The following PKHD1 variants were observed in gnomAD, a reference collection of about 807,000 sequenced individuals.
PKHD1 encodes the protein PKHD1 ciliary IPT domain containing fibrocystin/polyductin, also known as fibrocystin.
In PKHD1, 291 loss-of-function variants were observed where a neutral mutation model predicts 412.0. That is an observed-to-expected ratio of 0.71 (90% CI 0.64 to 0.78). The LOEUF is 0.78. Ranked by LOEUF, PKHD1 falls within the 30% of genes least tolerant of loss-of-function variation. The pLI is 0.00. For synonymous variants in PKHD1, 1,777 were observed against 1,821.5 expected (o/e 0.98, Z 0.62); for missense variants, 4,825 against 4,950.7 (o/e 0.97, Z 0.76).
At chr6:51,672,994 A>T (rs1443262790) in intron 60 of PKHD1, among the ~76,000 whole-genome samples, 3 of 152,232 alleles carry the variant, frequency 2.0e-5, no homozygotes, top group Non-Finnish European at 4.4e-5. Flanking sequence ...GCAATGGCTA[A>T]CATTTACTGA....
intron 55 of PKHD1, among the ~76,000 whole-genome samples, chr6:51,765,203 G>T (rs1352707324): frequency 1.3e-5 from 2 of 152,020 alleles, no homozygotes; most frequent in African/African-American, 4.8e-5. Context: ...AGGAGGACCA[G>T]TTGTTCTCTC....
chr6:51,870,709 G>A (rs1775850269), intron 46 of PKHD1, 70 bp from the exon 47 acceptor site: 1 of 1,204,134 alleles, frequency 8.3e-7, no homozygotes, highest in Non-Finnish European at 1.2e-6. Context: ...AATTCATAAT[G>A]CATGAATAAA....
At chr6:51,775,708 T>G in intron 54 of PKHD1, 100 bp downstream of exon 54, 1 of 697,168 alleles carries the variant, frequency 1.4e-6, no homozygotes, top group South Asian at 1.6e-5. Context: ...GTGTTTGGAA[T>G]TTAGCATATG....
intron 8 of PKHD1, among the ~76,000 whole-genome samples, chr6:52,071,616 T>C (rs2128230989): frequency 6.6e-6 from 1 of 152,208 alleles, no homozygotes; most frequent in South Asian, 2.1e-4. Flanking sequence ...TCTAAATTTT[T>C]TATTATTTTT....
intron 23 of PKHD1, among the ~76,000 whole-genome samples, chr6:52,046,935 C>T (rs1224005652): frequency 3.3e-5 from 5 of 152,378 alleles, no homozygotes; most frequent in South Asian, 4.1e-4. Context: ...ACACAGGTTG[C>T]CTTCTACCTA....
chr6:51,950,926 AG>A (rs1673362388), intron 36 of PKHD1, among the ~76,000 whole-genome samples: 1 of 152,162 alleles, frequency 6.6e-6, no homozygotes, highest in Non-Finnish European at 1.5e-5. Context: ...TGTTGGTTTT[AG>A]TGAATTGTCC....
In PKHD1 at chr6:51,870,649, A is replaced by C; in HGVS notation, c.7351-10T>G. ...ACATACACAGACTTCCCTGTGATTT[A>C]AAAGAAAAAAAGATGAAAGCAAAAT... On this transcript the variant is annotated splice_polypyrimidine_tract_variant and intron_variant, in intron 46 of 66. Transcript: ENST00000371117. 1.2e-6 allele frequency: 2 copies of C among 1,602,484 alleles called. No individual in the cohort carries two copies. Among genetic ancestry groups the C allele is most frequent in the South Asian group, 1.1e-5 (1 of 90,686 alleles).
chr6:51,986,388 T>C (rs1796222487), intron 35 of PKHD1, among the ~76,000 whole-genome samples: 1 of 152,182 alleles, frequency 6.6e-6, no homozygotes, highest in Admixed American at 6.5e-5. Context: ...ATCTTGTCAG[T>C]TGCTGAAGAA....
At chr6:51,746,950 C>T (rs750009300) in intron 58 of PKHD1, 61 bp from the exon 59 acceptor site, 25 of 974,566 alleles carry the variant, frequency 2.6e-5, no homozygotes, top group Middle Eastern at 2.2e-4. Flanking sequence ...CCACAAATAT[C>T]GAATATACAA....
At chr6:51,860,487 C>T (rs552737267) in intron 48 of PKHD1, among the ~76,000 whole-genome samples, 1 of 152,312 alleles carries the variant, frequency 6.6e-6, no homozygotes, top group African/African-American at 2.4e-5. Context: ...TAAATAGCCA[C>T]CAATCTCCCA....
chr6:51,752,903 T>C (rs575712710), intron 57 of PKHD1, among the ~76,000 whole-genome samples: 2 of 152,294 alleles, frequency 1.3e-5, no homozygotes, highest in South Asian at 2.1e-4. Flanking sequence ...AGAGATAAAA[T>C]TGAAGTGGTC....
chr6:51,691,803 T>TAA (rs1778189423), intron 60 of PKHD1, among the ~76,000 whole-genome samples: 1 of 152,172 alleles, frequency 6.6e-6, no homozygotes, highest in Non-Finnish European at 1.5e-5. Context: ...CCCCTGAGCT[T>TAA]AAAAGTTTTA....
intron 36 of PKHD1, among the ~76,000 whole-genome samples, chr6:51,954,949 G>A (rs1216913885): frequency 6.6e-6 from 1 of 152,016 alleles, no homozygotes; most frequent in Non-Finnish European, 1.5e-5. Context: ...CAAGATCCTT[G>A]CCCGGGATGC....
Position 52,035,723 on chromosome 6 carries a change from T to C in PKHD1, c.3098-2A>G. ...CTCGGATGGTGGCCCAGAGCCCTCC[T>C]GTAACAAAAACAGCATATTCAAATG... On this transcript the variant is annotated splice_acceptor_variant, in intron 27 of 66. Coordinates refer to ENST00000371117, the MANE Select transcript of PKHD1 (RefSeq NM_138694.4). LOFTEE classifies it high-confidence loss of function. The C allele has an allele frequency of 1.2e-6, 2 of 1,613,832 alleles. No individual in the cohort carries two copies. The highest frequency in any genetic ancestry group is 8.5e-7 in the Non-Finnish European group (1 of 1,179,842).
intron 48 of PKHD1, among the ~76,000 whole-genome samples, chr6:51,864,877 G>A (rs1457153597): frequency 6.6e-6 from 1 of 151,740 alleles, no homozygotes; most frequent in African/African-American, 2.4e-5. Flanking sequence ...TCTAAAAAGA[G>A]CACACAAAAT....
At chr6:51,801,947 T>A (rs966508283) in intron 52 of PKHD1, among the ~76,000 whole-genome samples, 1 of 152,194 alleles carries the variant, frequency 6.6e-6, no homozygotes, top group Non-Finnish European at 1.5e-5. Flanking sequence ...ATATTTTGAA[T>A]CTATTTAATA....
chr6:51,944,421 G>C (rs1217574044), intron 36 of PKHD1, among the ~76,000 whole-genome samples: 1 of 152,146 alleles, frequency 6.6e-6, no homozygotes, highest in South Asian at 2.1e-4. Context: ...GCATGGATGC[G>C]AGTGAAAAAC....
At chr6:51,709,302 T>C (rs1042783642) in intron 60 of PKHD1, among the ~76,000 whole-genome samples, 7 of 152,190 alleles carry the variant, frequency 4.6e-5, no homozygotes, top group Admixed American at 6.5e-5. Flanking sequence ...ACAGCTTCCA[T>C]ATTGCTGGTG....
In PKHD1 at chr6:52,054,185, C is replaced by A; in HGVS notation, c.1837-20G>T. On this transcript the variant is annotated intron_variant, in intron 19 of 66. Coordinates refer to ENST00000371117, the MANE Select transcript of PKHD1 (RefSeq NM_138694.4). The stretch of plus-strand genomic sequence containing the variant: ...ACACAGCTATGGACACCAAATAAGT[C>A]CTTCAGTTCTATTAGTGCAAGAAGC... 1 of 1,612,778 alleles carries A rather than the reference C, an allele frequency of 6.2e-7. No homozygotes were observed. The highest frequency in any genetic ancestry group is 8.5e-7 in the Non-Finnish European group (1 of 1,178,862).
Sources: allele counts gnomAD v4.1 joint callset (sites outside exome capture counted in the v4.1 genomes callset), GRCh38; gene constraint gnomAD v4.1.1; transcripts MANE v1.5; gene names NCBI Gene and HGNC (gene_info 2026-07-23, HGNC 2026-07-21).